The following UNC80 variants were observed in gnomAD, a reference collection of about 807,000 sequenced individuals.
UNC80 encodes protein unc-80 homolog.
UNC80 carries 164 observed loss-of-function variants against 384.6 expected under a neutral mutation model. The ratio of observed to expected loss-of-function variants is 0.43; its 90% confidence interval spans 0.38 to 0.49. UNC80 has a LOEUF of 0.49. UNC80 is among the 20% of genes least tolerant of loss of function. UNC80 has a pLI of 0.00. For missense variants in UNC80, 3,330 were observed against 4,143.0 expected, an observed-to-expected ratio of 0.80 and a Z score of 5.39; for synonymous variants, 1,486 against 1,527.8, an observed-to-expected ratio of 0.97 and a Z score of 0.64.
Position 209,993,300 on chromosome 2 carries a change from G to T in UNC80, c.9397-15G>T. The T allele has an allele frequency of 6.5e-7, 1 of 1,548,060 alleles. No homozygotes were observed. Among genetic ancestry groups the T allele is most frequent in the Non-Finnish European group, 8.7e-7 (1 of 1,144,140 alleles). Reference sequence around the variant, plus strand: ...TAGACCCTCTTGCAAGTTTTATTCTGCCTATTCTCTTTAGCTAAGACGTCC... The same window carrying T: ...TAGACCCTCTTGCAAGTTTTATTCTTCCTATTCTCTTTAGCTAAGACGTCC... On this transcript the variant is annotated splice_polypyrimidine_tract_variant and intron_variant, in intron 62 of 64. Transcript: ENST00000673920.
intron 1 of UNC80, 104 bp from the exon 2 acceptor site, chr2:209,772,990 A>C (rs1446417711): frequency 1.1e-6 from 1 of 930,730 alleles, no homozygotes; most frequent in African/African-American, 1.7e-5. Flanking sequence ...ATGAAATTTG[A>C]ATTTCATAGC....
intron 36 of UNC80, 109 bp from the exon 37 acceptor site, chr2:209,929,762 G>T: frequency 1.3e-6 from 1 of 759,748 alleles, no homozygotes. Context: ...AGTTCACAGA[G>T]CCTTTTAAGG....
At position 209,937,641 on chromosome 2, in the gene UNC80, A is replaced by G. The variant is rs756700434; in HGVS notation, c.6465+11A>G. 1.2e-5 allele frequency: 18 copies of G among 1,534,084 alleles called. 1 individual carries two copies. In the South Asian group the frequency reaches 1.9e-4, roughly 16 times the overall value. On this transcript the variant is annotated intron_variant, in intron 42 of 64. Coordinates refer to ENST00000673920, the MANE Select transcript of UNC80 (RefSeq NM_001371986.1). ...CTCATTCAGAAACAGGTGACAGACC[A>G]CGTCAGTTTTATTCCATGGTTTTGT... is the stretch of plus-strand genomic sequence containing the variant.
At chr2:209,773,994 C>T (rs773209273) in intron 2 of UNC80, among the ~76,000 whole-genome samples, 3 of 152,218 alleles carry the variant, frequency 2.0e-5, no homozygotes, top group African/African-American at 4.8e-5. Context: ...GGACTTTTCA[C>T]AGCCTTCATT....
chr2:209,798,778 C>T (rs938264193), intron 7 of UNC80, among the ~76,000 whole-genome samples: 10 of 150,502 alleles, frequency 6.6e-5, no homozygotes, highest in African/African-American at 2.2e-4. Flanking sequence ...CCCAGGTTCA[C>T]GCCATTCTCC....
intron 22 of UNC80, among the ~76,000 whole-genome samples, chr2:209,855,254 A>G (rs1332720893): frequency 6.6e-6 from 1 of 152,158 alleles, no homozygotes; most frequent in Non-Finnish European, 1.5e-5. Flanking sequence ...ATGAGAACAC[A>G]TGGACACATG....
intron 10 of UNC80, 83 bp from the exon 11 acceptor site, chr2:209,817,729 G>C (rs2079843797): frequency 6.7e-7 from 1 of 1,495,860 alleles, no homozygotes. Context: ...CACTCTCCCT[G>C]CTGTCCTTGG....
intron 21 of UNC80, among the ~76,000 whole-genome samples, chr2:209,846,316 T>C (rs1258998095): frequency 6.6e-6 from 1 of 152,150 alleles, no homozygotes; most frequent in Non-Finnish European, 1.5e-5. Context: ...AAATCAGCTT[T>C]TTCTTTTGTG....
intron 4 of UNC80, among the ~76,000 whole-genome samples, chr2:209,785,485 G>T (rs959908360): frequency 9.2e-5 from 14 of 152,156 alleles, no homozygotes; most frequent in Admixed American, 5.9e-4. Flanking sequence ...GATGCTCGGG[G>T]CTGAGAGGGA....
chr2:209,962,189 G>C (rs1243667799), intron 51 of UNC80, among the ~76,000 whole-genome samples: 1 of 152,110 alleles, frequency 6.6e-6, no homozygotes, highest in Non-Finnish European at 1.5e-5. Context: ...ACAGAAAGAT[G>C]GGGGAAATTT....
intron 22 of UNC80, among the ~76,000 whole-genome samples, chr2:209,851,460 G>A (rs2082524439): frequency 1.3e-5 from 2 of 152,048 alleles, no homozygotes; most frequent in Non-Finnish European, 2.9e-5. Flanking sequence ...TGGAAAGGGT[G>A]GTGGTATTTA....
chr2:209,819,464 G>A (rs1038806072), intron 12 of UNC80, among the ~76,000 whole-genome samples: 1 of 151,254 alleles, frequency 6.6e-6, no homozygotes, highest in Admixed American at 6.6e-5. Context: ...CATTAGATTT[G>A]ATCTGATCTC....
intron 38 of UNC80, among the ~76,000 whole-genome samples, chr2:209,932,108 C>T (rs1479321501): frequency 1.3e-5 from 2 of 152,098 alleles, no homozygotes; most frequent in South Asian, 2.1e-4. Context: ...AAACTCAAGC[C>T]CATGGCTGCT....
At chr2:209,993,608 C>T (rs2093432003) in intron 63 of UNC80, among the ~76,000 whole-genome samples, 182 bp downstream of exon 63, 1 of 152,158 alleles carries the variant, frequency 6.6e-6, no homozygotes, top group Non-Finnish European at 1.5e-5. Flanking sequence ...TCCCCAGTCC[C>T]TGTCTGTACC....
chr2:209,890,812 T>C (rs2086258707), intron 26 of UNC80, among the ~76,000 whole-genome samples: 1 of 152,192 alleles, frequency 6.6e-6, no homozygotes, highest in Non-Finnish European at 1.5e-5. Context: ...TGTTGTTGGG[T>C]TTTTAAATAT....
At chr2:209,902,156 A>C (rs2087491904) in intron 28 of UNC80, among the ~76,000 whole-genome samples, 1 of 152,188 alleles carries the variant, frequency 6.6e-6, no homozygotes, top group African/African-American at 2.4e-5. Context: ...TGAGGAATTC[A>C]AGACTTCAGT....
intron 21 of UNC80, among the ~76,000 whole-genome samples, chr2:209,844,120 G>A (rs1432304056): frequency 6.6e-6 from 1 of 152,004 alleles, no homozygotes; most frequent in Non-Finnish European, 1.5e-5. Flanking sequence ...CACTCCTCAC[G>A]ATATTTTGGA....
chr2:209,913,719 G>C, intron 30 of UNC80, 83 bp from the exon 31 acceptor site: 1 of 1,380,780 alleles, frequency 7.2e-7, no homozygotes, highest in Non-Finnish European at 9.7e-7. Context: ...GCAGAGAGAG[G>C]GGACGTGGCT....
intron 51 of UNC80, among the ~76,000 whole-genome samples, chr2:209,960,368 T>C (rs988252565): frequency 6.6e-6 from 1 of 152,236 alleles, no homozygotes; most frequent in African/African-American, 2.4e-5. Context: ...AGAGATGCCA[T>C]TTCACTTGAA....
Sources: allele counts gnomAD v4.1 joint callset (sites outside exome capture counted in the v4.1 genomes callset), GRCh38; gene constraint gnomAD v4.1.1; transcripts MANE v1.5; gene names NCBI Gene and HGNC (gene_info 2026-07-23, HGNC 2026-07-21).